Variants in DLG2 observed in about 807,000 individuals in gnomAD.
The protein encoded by DLG2 is disks large homolog 2.
In DLG2, 45 loss-of-function variants were observed where a neutral mutation model predicts 132.5. The observed-to-expected ratio is 0.34, with a 90% CI of 0.27 to 0.44. DLG2 has a LOEUF of 0.44. DLG2 is among the 20% of genes least tolerant of loss of function. The probability of loss-of-function intolerance (pLI) is 1.00; values close to 1 mark genes in which losing one functional copy is unlikely to be tolerated. For synonymous variants in DLG2, 424 were observed against 419.6 expected (o/e 1.01, Z -0.13); for missense variants, 1,045 against 1,196.9 (o/e 0.87, Z 1.87).
intron 18 of DLG2, among the ~76,000 whole-genome samples, chr11:83,746,278 G>A (rs1172405999): frequency 3.3e-5 from 5 of 152,152 alleles, no homozygotes; most frequent in Admixed American, 1.3e-4. Flanking sequence ...ATATGCACAC[G>A]TATGTTTATT....
intron 7 of DLG2, among the ~76,000 whole-genome samples, chr11:84,501,807 C>T (rs1353473883): frequency 6.6e-6 from 1 of 151,958 alleles, no homozygotes; most frequent in South Asian, 2.1e-4. Flanking sequence ...GATCAAGCCA[C>T]CAAAAGAGTA....
intron 3 of DLG2, among the ~76,000 whole-genome samples, chr11:85,507,099 T>C (rs1249001000): frequency 6.6e-6 from 1 of 152,220 alleles, no homozygotes; most frequent in African/African-American, 2.4e-5. Context: ...TAAGCCTATG[T>C]GTGTGTCTGC....
chr11:85,170,009 A>G (rs934477162), intron 4 of DLG2, among the ~76,000 whole-genome samples: 8 of 152,212 alleles, frequency 5.3e-5, no homozygotes, highest in African/African-American at 1.9e-4. Context: ...TCCCCAAGCC[A>G]CCTAGGATTC....
At chr11:84,304,626 AGACAAT>A (rs2098195020) in intron 7 of DLG2, among the ~76,000 whole-genome samples, 3 of 152,238 alleles carry the variant, frequency 2.0e-5, no homozygotes, top group African/African-American at 7.2e-5. Flanking sequence ...AAACAGCTAC[AGACAAT>A]ATGTAAACAA....
chr11:83,930,228 G>T, intron 15 of DLG2, 100 bp downstream of exon 15: 1 of 1,332,288 alleles, frequency 7.5e-7, no homozygotes, highest in Non-Finnish European at 1.0e-6. Context: ...TGGGGAAGAT[G>T]TTTAGTGCAA....
chr11:85,600,030 C>T (rs2080042937), intron 2 of DLG2, among the ~76,000 whole-genome samples: 1 of 152,136 alleles, frequency 6.6e-6, no homozygotes, highest in African/African-American at 2.4e-5. Context: ...CTTGAACCTT[C>T]CAACTCTTCT....
At chr11:84,764,577 G>T (rs2068126697) in intron 6 of DLG2, among the ~76,000 whole-genome samples, 1 of 152,034 alleles carries the variant, frequency 6.6e-6, no homozygotes, top group Non-Finnish European at 1.5e-5. Flanking sequence ...AAGAAACTGA[G>T]TTTGGAAGTT....
rs1238262851 is a variant in DLG2 at position 83,577,543 on chromosome 11, G to A, written c.1941-35685C>T. ...TATGTATTAGTCAGGGTTCCCTAGA[G>A]GGACAGAATTAATAGAATATATATA... On this transcript the variant is annotated intron_variant, in intron 19 of 27. Coordinates refer to ENST00000376104, the MANE Select transcript of DLG2 (RefSeq NM_001142699.3). Among the ~76,000 whole-genome samples the A allele has an allele frequency of 7.8e-5, 7 of 89,234 alleles. 1 individual carries two copies. Among genetic ancestry groups the A allele is most frequent in the Admixed American group, 3.0e-4 (2 of 6,666 alleles). 58.5% of individuals were successfully genotyped at this position (89,234 alleles called of 152,430 possible).
chr11:84,417,975 A>C (rs2098935663), intron 7 of DLG2, among the ~76,000 whole-genome samples: 1 of 152,204 alleles, frequency 6.6e-6, no homozygotes, highest in South Asian at 2.1e-4. Context: ...CTTTACATGT[A>C]ATATAAATAA....
intron 5 of DLG2, among the ~76,000 whole-genome samples, chr11:85,124,430 G>A (rs908748105): frequency 6.6e-6 from 1 of 152,030 alleles, no homozygotes; most frequent in East Asian, 1.9e-4. Flanking sequence ...AGAGTACTTC[G>A]TACTTTTCAA....
chr11:85,609,236 G>A (rs539780824), intron 2 of DLG2, among the ~76,000 whole-genome samples: 136 of 152,222 alleles, frequency 8.9e-4, no homozygotes, highest in Non-Finnish European at 1.1e-3. Context: ...AACTCACTAC[G>A]GGGTCAATTG....
chr11:84,716,754 T>C (rs1179804973), intron 6 of DLG2, among the ~76,000 whole-genome samples: 2 of 151,510 alleles, frequency 1.3e-5, no homozygotes, highest in African/African-American at 2.4e-5. Flanking sequence ...TAGAAAATCT[T>C]TTTTTTTGGA....
chr11:84,873,244 G>GGGCGCGGTGGCTC, intron 6 of DLG2, among the ~76,000 whole-genome samples: 1 of 152,162 alleles, frequency 6.6e-6, no homozygotes, highest in African/African-American at 2.4e-5. Flanking sequence ...TGTGATGACA[G>GGGCGCGGTGGCTC]AAGCAGAGGT....
intron 5 of DLG2, among the ~76,000 whole-genome samples, chr11:85,115,729 G>C (rs2073474224): frequency 6.6e-6 from 1 of 151,910 alleles, no homozygotes; most frequent in Non-Finnish European, 1.5e-5. Context: ...GGCGTTACAG[G>C]CTAAAGGTAA....
intron 6 of DLG2, among the ~76,000 whole-genome samples, chr11:84,776,577 A>G (rs1351012518): frequency 1.3e-5 from 2 of 152,182 alleles, no homozygotes; most frequent in East Asian, 1.9e-4. Flanking sequence ...CTCCCAATCC[A>G]TATGTCCTGG....
Position 84,714,527 on chromosome 11 carries a change from C to CTCTCTT in DLG2, c.358-179797_358-179796insAAGAGA, listed in dbSNP as rs1565747466. The stretch of plus-strand genomic sequence containing the variant: ...AGGCTGGGAGCCCACAACCCATTTC[C>CTCTCTT]TCTTTCTCTTTCTCTTTCTCTTTCT... On this transcript the variant is annotated intron_variant, in intron 6 of 27. Transcript: ENST00000376104. Among the ~76,000 whole-genome samples the CTCTCTT allele has an allele frequency of 9.8e-4, 102 of 103,738 alleles. 2 individuals carry two copies. Among genetic ancestry groups the CTCTCTT allele is most frequent in the African/African-American group, 7.9e-3 (99 of 12,464 alleles). 68.1% of individuals were successfully genotyped at this position (103,738 alleles called of 152,430 possible). A position where few individuals can be genotyped will look rare whatever the true frequency, so the allele number is the denominator to read the frequency against.
chr11:85,421,162 C>A (rs1357817155), intron 3 of DLG2, among the ~76,000 whole-genome samples: 2 of 152,074 alleles, frequency 1.3e-5, no homozygotes, highest in African/African-American at 4.8e-5. Context: ...AGTATCGGAG[C>A]CGGAGTGTAC....
chr11:84,167,945 C>T (rs537897305), intron 8 of DLG2, among the ~76,000 whole-genome samples: 5 of 152,278 alleles, frequency 3.3e-5, no homozygotes, highest in South Asian at 2.1e-4. Flanking sequence ...GGATTACAGG[C>T]GTGAGCCACC....
In DLG2 at chr11:83,469,393, A is replaced by G. The variant is rs1591364716; in HGVS notation, c.2447-20T>C. 6.3e-7 allele frequency: 1 copy of G among 1,596,654 alleles called. No homozygotes were observed. Among genetic ancestry groups the G allele is most frequent in the South Asian group, 1.1e-5 (1 of 88,088 alleles). On this transcript the variant is annotated intron_variant, in intron 24 of 27. Coordinates refer to ENST00000376104, the MANE Select transcript of DLG2 (RefSeq NM_001142699.3). ...TAGTATCTTTATAAAACAAAAAATG[A>G]TAAAATTAAGGTGCATTTATACCCA...
Sources: allele counts gnomAD v4.1 joint callset (sites outside exome capture counted in the v4.1 genomes callset), GRCh38; gene constraint gnomAD v4.1.1; transcripts MANE v1.5; gene names NCBI Gene and HGNC (gene_info 2026-07-23, HGNC 2026-07-21).